The following THBS3 variants were observed in gnomAD, a reference collection of about 807,000 sequenced individuals.
THBS3 encodes the protein thrombospondin 3.
In THBS3, 78 loss-of-function variants were observed where a neutral mutation model predicts 118.3. That is an observed-to-expected ratio of 0.66 (90% confidence interval 0.55 to 0.80). The LOEUF is 0.80. Ranked by LOEUF, THBS3 falls within the 30% of genes least tolerant of loss-of-function variation. THBS3 has a pLI of 0.00. For synonymous variants in THBS3, 427 were observed against 475.3 expected (o/e 0.90, Z 1.32); for missense variants, 1,057 against 1,247.4 (o/e 0.85, Z 2.30).
chr1:155,199,869 G>T lies in THBS3; in HGVS notation c.1828-13C>A, dbSNP rs755621587. The T allele has an allele frequency of 1.2e-6, 2 of 1,614,146 alleles. No individual in the cohort carries two copies. Among genetic ancestry groups the T allele is most frequent in the East Asian group, 4.5e-5 (2 of 44,888 alleles). ...TGTCTGCATCTGTCTGAGAGAGAGG[G>T]ACCTGTTCTCACCATCTCCTCTTGA... On this transcript the variant is annotated splice_polypyrimidine_tract_variant and intron_variant, in intron 15 of 22. Coordinates refer to ENST00000368378, the MANE Select transcript of THBS3 (RefSeq NM_007112.5).
In THBS3 at chr1:155,202,430, A is replaced by G; in HGVS notation, c.958-29T>C. 6.2e-7 allele frequency: 1 copy of G among 1,610,044 alleles called. No homozygotes were observed. Among genetic ancestry groups the G allele is most frequent in the African/African-American group, 1.3e-5 (1 of 74,924 alleles). Reference sequence around the variant, plus strand: ...GGGACCAGATGAGAAGGCAGAGGTCAGGCCGCCCTCTGGGAAACTCAGGTC... The same window carrying G: ...GGGACCAGATGAGAAGGCAGAGGTCGGGCCGCCCTCTGGGAAACTCAGGTC... On this transcript the variant is annotated intron_variant, in intron 8 of 22. Transcript: ENST00000368378. The surrounding 1 kb of genome is among the most constrained non-coding windows in gnomAD (Gnocchi z 5.5).
chr1:155,207,254 C>T (rs1172354770), intron 1 of THBS3, among the ~76,000 whole-genome samples: 4 of 152,200 alleles, frequency 2.6e-5, no homozygotes, highest in Non-Finnish European at 5.9e-5. Context: ...TAGGACCCAG[C>T]TCCTCTGCCT....
In THBS3 at chr1:155,196,057, C is replaced by T. The variant is rs564792297; in HGVS notation, c.2742G>A (p.Gly914=). The stretch of plus-strand genomic sequence containing the variant: ...AGAAGCAGAATACACCAAGACGCCC[C>T]CCTCGCATGGATGTGTCAATGATCA... ...SGVIIDTSMR[G]GRLGVFCFSQ... The change falls in exon 22 of 23, where the codon GGG becomes GGA. Residue 914 remains glycine (G), a synonymous_variant. Transcript: ENST00000368378. 2 of 1,614,170 alleles carry T rather than the reference C, an allele frequency of 1.2e-6. No homozygotes were observed. Among genetic ancestry groups the T allele is most frequent in the East Asian group, 2.2e-5 (1 of 44,890 alleles).
chr1:155,200,367 G>T, intron 14 of THBS3, 84 bp downstream of exon 14: 8 of 1,528,450 alleles, frequency 5.2e-6, no homozygotes, highest in Non-Finnish European at 7.1e-6. Flanking sequence ...ATTTCACAGA[G>T]ACTTCCTAGC....
Position 155,206,295 on chromosome 1 carries a change from A to G in THBS3, c.191T>C (p.Leu64Pro). 6.2e-7 allele frequency: 1 copy of G among 1,614,164 alleles called. No homozygotes were observed. Among genetic ancestry groups the G allele is most frequent in the Non-Finnish European group, 8.5e-7 (1 of 1,180,026 alleles). ...GDIYLLSTFR[L>P]PPKQGGVLFG... ...GAGGACACCACCCTGCTTGGGGGGC[A>G]GGCGGAAGGTGGATAAGAGGTAGAT... The change falls in exon 2 of 23, where the codon CTG becomes CCG. Residue 64 changes from leucine (L) to proline (P), a missense_variant. Physicochemically the swap from Leu to Pro is moderately conservative, Grantham distance 98. Coordinates refer to ENST00000368378, the MANE Select transcript of THBS3 (RefSeq NM_007112.5). The surrounding 1 kb of genome is among the most constrained non-coding windows in gnomAD (Gnocchi z 4.2).
chr1:155,206,443 A>T lies in THBS3; in HGVS notation c.80-37T>A. ...GGGGTTATCAAGGTTAGAGAATGGGATCAAATGCTAAGGTATGCCCTCCCC... is the reference window on the plus strand; with the variant it reads ...GGGGTTATCAAGGTTAGAGAATGGGTTCAAATGCTAAGGTATGCCCTCCCC... On this transcript the variant is annotated intron_variant, in intron 1 of 22. Transcript: ENST00000368378. This position sits in a 1 kb window ranked among gnomAD's most constrained non-coding sequence, Gnocchi z 4.2. 6.3e-7 allele frequency: 1 copy of T among 1,595,818 alleles called. No homozygotes were observed. Among genetic ancestry groups the T allele is most frequent in the Non-Finnish European group, 8.6e-7 (1 of 1,165,750 alleles).
At chr1:155,207,336 C>G (rs1326762011) in intron 1 of THBS3, among the ~76,000 whole-genome samples, 1 of 152,228 alleles carries the variant, frequency 6.6e-6, no homozygotes, top group Non-Finnish European at 1.5e-5. Flanking sequence ...TCTGCTCCAG[C>G]TACCTCTCCC....
intron 2 of THBS3, 42 bp from the exon 3 acceptor site, chr1:155,205,358 C>T (rs1391260404): frequency 1.3e-5 from 20 of 1,593,972 alleles, no homozygotes; most frequent in Non-Finnish European, 1.6e-5. Flanking sequence ...ATCCCCCACC[C>T]CCTGCCTCCC....
rs1355696657 is a variant in THBS3 at position 155,201,654 on chromosome 1, G to A, written c.1177-85C>T. Reference sequence around the variant, plus strand: ...AGCACTGCTCCACCTGCGGAGTGTGGGCTGGGCACTCAGTTATGCCAGGCA... The same window carrying A: ...AGCACTGCTCCACCTGCGGAGTGTGAGCTGGGCACTCAGTTATGCCAGGCA... On this transcript the variant is annotated intron_variant, in intron 10 of 22. Coordinates refer to ENST00000368378, the MANE Select transcript of THBS3 (RefSeq NM_007112.5). 6 of 1,454,564 alleles carry A rather than the reference G, an allele frequency of 4.1e-6. No individual in the cohort carries two copies. In the East Asian group the frequency reaches 7.3e-5, roughly 18 times the overall value. 90.1% of individuals were successfully genotyped at this position (1,454,564 alleles called of 1,614,324 possible). A position where few individuals can be genotyped will look rare whatever the true frequency, so the allele number is the denominator to read the frequency against.
Position 155,200,530 on chromosome 1 carries a change from G to C in THBS3, c.1629C>G (p.Pro543=). The change falls in exon 14 of 23, where the codon CCC becomes CCG. Residue 543 remains proline (P), a synonymous_variant. Transcript: ENST00000368378. Reference sequence around the variant, plus strand: ...CCTTCTGGTCATTGTTGGGAACGTTGGGGCAATTGTCACAGGCATCACCAA... The same window carrying C: ...CCTTCTGGTCATTGTTGGGAACGTTCGGGCAATTGTCACAGGCATCACCAA... ...DSFGDACDNC[P]NVPNNDQKDT... The C allele has an allele frequency of 3.7e-6, 6 of 1,614,058 alleles. No homozygotes were observed. The highest frequency in any genetic ancestry group is 5.1e-6 in the Non-Finnish European group (6 of 1,180,010).
At chr1:155,207,983 G>C (rs1455327529), upstream of THBS3, 2 of 501,322 alleles carry the variant, frequency 4.0e-6, no homozygotes, top group Non-Finnish European at 6.7e-6. Flanking sequence ...TGGAGGGGGG[G>C]CCAGCAGGCG....
Position 155,197,441 on chromosome 1 carries a change from C to T in THBS3, c.2499+22G>A, listed in dbSNP as rs751833657. The T allele has an allele frequency of 1.7e-5, 27 of 1,607,864 alleles. No homozygotes were observed. In the East Asian group the frequency reaches 3.8e-4, roughly 23 times the overall value. ...AGCTTTGGGAAAGGGCCCTGGGTTG[C>T]GGAATCTGAGCAGCTGGGGACCTTG... On this transcript the variant is annotated intron_variant, in intron 20 of 22. Coordinates refer to ENST00000368378, the MANE Select transcript of THBS3 (RefSeq NM_007112.5). The surrounding 1 kb of genome is among the most constrained non-coding windows in gnomAD (Gnocchi z 5.0).
chr1:155,204,444 G>T, intron 4 of THBS3, among the ~76,000 whole-genome samples: 1 of 152,056 alleles, frequency 6.6e-6, no homozygotes, highest in East Asian at 1.9e-4. Flanking sequence ...GCAAAAATTA[G>T]CTAGGCATGG....
rs141155817 is a variant in THBS3, at chr1:155,201,878, A to C, written c.1176+79T>G. The C allele has an allele frequency of 6.1e-5, 97 of 1,596,770 alleles. No homozygotes were observed. The Middle Eastern group carries it at 2.2e-3, about 36-fold the overall frequency. On this transcript the variant is annotated intron_variant, in intron 10 of 22. Coordinates refer to ENST00000368378, the MANE Select transcript of THBS3 (RefSeq NM_007112.5). ...TGGGGAGGAGGAAAGGCAGCAGGAA[A>C]TTTGAAGGTAAGAAGGGGCGGGGGT...
At chr1:155,199,772 A>G (rs770811045) in intron 16 of THBS3, 32 bp downstream of exon 16, 2 of 1,612,790 alleles carry the variant, frequency 1.2e-6, no homozygotes, top group Middle Eastern at 1.6e-4. Context: ...CAAAAAAAAG[A>G]AAGACCTTGC....
rs990428095 is a variant in THBS3 at position 155,206,799 on chromosome 1, G to A, written c.80-393C>T. 1.3e-5 allele frequency among the ~76,000 whole-genome samples: 2 copies of A among 151,970 alleles called. No homozygotes were observed. The highest frequency in any genetic ancestry group is 4.8e-5 in the African/African-American group (2 of 41,372). On this transcript the variant is annotated intron_variant, in intron 1 of 22. Transcript: ENST00000368378. The surrounding 1 kb of genome is among the most constrained non-coding windows in gnomAD (Gnocchi z 4.2). ...GGAGGTTGCAGTGAGCCGAGATCGC[G>A]CCATTGCACTCCAGCCTGGGCAACA...
chr1:155,208,813 C>T (rs768645002), upstream of THBS3: 6 of 1,556,224 alleles, frequency 3.9e-6, no homozygotes, highest in Admixed American at 3.9e-5. Context: ...ACATGCTGCT[C>T]GGGGGACCCC....
upstream of THBS3, chr1:155,209,130 C>G: frequency 6.5e-7 from 1 of 1,540,924 alleles, no homozygotes; most frequent in Non-Finnish European, 8.8e-7. Context: ...AGCCTCGCCT[C>G]CCCGGGGATC....
chr1:155,197,875 C>A lies in THBS3; in HGVS notation c.2302+5G>T. ...AAGTGATTGAACTGCATATCCCTTA[C>A]ATACCAACTGCCAAGCCAGGGTCAC... On this transcript the variant is annotated splice_donor_5th_base_variant and intron_variant, in intron 19 of 22. Coordinates refer to ENST00000368378, the MANE Select transcript of THBS3 (RefSeq NM_007112.5). The surrounding 1 kb of genome is among the most constrained non-coding windows in gnomAD (Gnocchi z 5.0). The A allele has an allele frequency of 6.2e-7, 1 of 1,614,088 alleles. No homozygotes were observed. The highest frequency in any genetic ancestry group is 8.5e-7 in the Non-Finnish European group (1 of 1,180,020).
Sources: allele counts gnomAD v4.1 joint callset (sites outside exome capture counted in the v4.1 genomes callset), GRCh38; gene constraint gnomAD v4.1.1; non-coding constraint Gnocchi (gnomAD v3.1); transcripts MANE v1.5; gene names NCBI Gene and HGNC (gene_info 2026-07-23, HGNC 2026-07-21).